Variants in EPHA3 observed in about 807,000 individuals in gnomAD.
The protein encoded by EPHA3 is ephrin type-A receptor 3.
Under a neutral mutation model 107.1 loss-of-function variants are expected in EPHA3, and 42 were observed. The observed-to-expected ratio is 0.39, with a 90% CI of 0.31 to 0.51. The LOEUF (loss-of-function observed/expected upper bound fraction) is 0.51. EPHA3 is among the 20% of genes least tolerant of loss of function. The pLI, the probability that EPHA3 is intolerant of heterozygous loss-of-function variation, is 0.78. For missense variants in EPHA3, 1,183 were observed against 1,211.2 expected, an observed-to-expected ratio of 0.98 and a Z score of 0.35; for synonymous variants, 461 against 424.8, an observed-to-expected ratio of 1.09 and a Z score of -1.05.
chr3:89,247,266 GAATAATTCTAAAAAGCAGAT>G (rs1705055509), intron 3 of EPHA3, among the ~76,000 whole-genome samples: 1 of 152,050 alleles, frequency 6.6e-6, no homozygotes, highest in Non-Finnish European at 1.5e-5. Flanking sequence ...AGGGGATGGG[GAATAATTCTAAAAAGCAGAT>G]AAACTTAAGG....
intron 2 of EPHA3, among the ~76,000 whole-genome samples, chr3:89,207,247 T>C (rs1359253514): frequency 6.6e-6 from 1 of 152,170 alleles, no homozygotes; most frequent in Non-Finnish European, 1.5e-5. Context: ...AAATTAATAT[T>C]TTATTTTATT....
intron 3 of EPHA3, 80 bp from the exon 4 acceptor site, chr3:89,340,836 T>A: frequency 7.5e-7 from 1 of 1,338,208 alleles, no homozygotes; most frequent in African/African-American, 1.5e-5. Context: ...TAAATTCATA[T>A]TCGAACTTAC....
In EPHA3 at chr3:89,422,192, AACACACAC is replaced by A. The variant is rs56370135; in HGVS notation, c.2074+2836_2074+2843del. On this transcript the variant is annotated intron_variant, in intron 11 of 16. Coordinates refer to ENST00000336596, the MANE Select transcript of EPHA3 (RefSeq NM_005233.6). ...ACAATAAAGTTGATATGTTGTATTT[AACACACAC>A]ACACACACACACACACACACACACA... Among the ~76,000 whole-genome samples, 368 of 140,572 alleles carry A rather than the reference AACACACAC, an allele frequency of 2.6e-3. 1 individual carries two copies. The highest frequency in any genetic ancestry group is 7.7e-3 in the African/African-American group (293 of 38,228). The allele number at this position is 140,572 out of a possible 152,430, so 92.2% of individuals were successfully genotyped here. A position where few individuals can be genotyped will look rare whatever the true frequency, so the allele number is the denominator to read the frequency against.
At chr3:89,126,256 G>A (rs1160622606) in intron 1 of EPHA3, among the ~76,000 whole-genome samples, 2 of 151,472 alleles carry the variant, frequency 1.3e-5, no homozygotes, top group South Asian at 2.1e-4. Context: ...GTCAATCATG[G>A]GATTGTTTTC....
intron 3 of EPHA3, among the ~76,000 whole-genome samples, chr3:89,266,100 G>A (rs762014497): frequency 9.2e-5 from 14 of 152,052 alleles, no homozygotes; most frequent in South Asian, 2.1e-4. Flanking sequence ...CCAGAGAGAC[G>A]CAATCCTACC....
At chr3:89,278,442 C>T (rs1426244643) in intron 3 of EPHA3, among the ~76,000 whole-genome samples, 1 of 152,108 alleles carries the variant, frequency 6.6e-6, no homozygotes, top group Non-Finnish European at 1.5e-5. Context: ...GTTTGCAACA[C>T]AGGGCTCCCT....
intron 1 of EPHA3, among the ~76,000 whole-genome samples, chr3:89,120,360 C>G (rs763284765): frequency 6.6e-6 from 1 of 152,096 alleles, no homozygotes; most frequent in Non-Finnish European, 1.5e-5. Context: ...TTCATAATAT[C>G]AGTTAACAAT....
chr3:89,452,935 G>A (rs1403863456), intron 15 of EPHA3, among the ~76,000 whole-genome samples: 2 of 151,764 alleles, frequency 1.3e-5, no homozygotes, highest in Non-Finnish European at 2.9e-5. Context: ...CTTAATATCA[G>A]TATATAAGAA....
intron 3 of EPHA3, among the ~76,000 whole-genome samples, chr3:89,284,854 C>T (rs938612408): frequency 7.2e-5 from 11 of 152,080 alleles, no homozygotes; most frequent in South Asian, 6.2e-4. Context: ...TTAGCCGATG[C>T]GGTGGCTCAC....
chr3:89,193,394 T>G (rs1220064730), intron 2 of EPHA3, among the ~76,000 whole-genome samples: 1 of 152,020 alleles, frequency 6.6e-6, no homozygotes, highest in Non-Finnish European at 1.5e-5. Flanking sequence ...GATAATCCTA[T>G]TTTTCACAAT....
chr3:89,225,466 T>G (rs1704482101), intron 3 of EPHA3, among the ~76,000 whole-genome samples: 1 of 152,234 alleles, frequency 6.6e-6, no homozygotes, highest in Non-Finnish European at 1.5e-5. Context: ...ACATTTCTCT[T>G]AGCTTAATAG....
chr3:89,420,613 G>C (rs571181579), intron 11 of EPHA3, among the ~76,000 whole-genome samples: 1 of 151,360 alleles, frequency 6.6e-6, no homozygotes, highest in East Asian at 1.9e-4. Context: ...AATAAAAATG[G>C]GCATAATTAG....
chr3:89,112,581 T>C (rs989990405), intron 1 of EPHA3, among the ~76,000 whole-genome samples: 4 of 151,878 alleles, frequency 2.6e-5, no homozygotes, highest in Admixed American at 2.0e-4. Flanking sequence ...CTTTTGCAAA[T>C]GATTTTTAAA....
chr3:89,231,589 A>G (rs1704636094), intron 3 of EPHA3, among the ~76,000 whole-genome samples: 1 of 152,138 alleles, frequency 6.6e-6, no homozygotes, highest in Admixed American at 6.5e-5. Context: ...ATGCAGATGG[A>G]TAACCTGGTG....
intron 3 of EPHA3, among the ~76,000 whole-genome samples, chr3:89,239,155 A>G (rs1466396637): frequency 3.3e-5 from 5 of 152,192 alleles, no homozygotes; most frequent in Non-Finnish European, 7.3e-5. Flanking sequence ...CATATGATCT[A>G]TCTCTAACTG....
rs1488450493 is a variant in EPHA3 at position 89,413,179 on chromosome 3, A to G, written c.1801A>G (p.Thr601Ala). Residue 601 changes from threonine to alanine, a missense_variant, in exon 10 of 17, where the codon ACA becomes GCA. Physicochemically the swap from Thr to Ala is moderately conservative, Grantham distance 58. Transcript: ENST00000336596. ...TCTCAGGACTTATGTTGACCCACAT[A>G]CATATGAAGACCCTACCCAAGCTGT... ...PGLRTYVDPH[T>A]YEDPTQAVHE... is the part of the protein sequence containing the mutation. 2 of 1,611,632 alleles carry G rather than the reference A, an allele frequency of 1.2e-6. No homozygotes were observed. Among genetic ancestry groups the G allele is most frequent in the Non-Finnish European group, 1.7e-6 (2 of 1,178,410 alleles).
At chr3:89,350,686 A>T (rs1482149685) in intron 5 of EPHA3, among the ~76,000 whole-genome samples, 1 of 150,732 alleles carries the variant, frequency 6.6e-6, no homozygotes, top group East Asian at 1.9e-4. Flanking sequence ...GGAGGAGGAG[A>T]GGCGCTCTGC....
intron 2 of EPHA3, among the ~76,000 whole-genome samples, chr3:89,170,361 T>C (rs1237933832): frequency 1.3e-5 from 2 of 152,152 alleles, no homozygotes; most frequent in Non-Finnish European, 2.9e-5. Context: ...ATCTGTGAGA[T>C]AGCTTTTATT....
chr3:89,354,888 G>A (rs1393913020), intron 5 of EPHA3, among the ~76,000 whole-genome samples: 1 of 150,986 alleles, frequency 6.6e-6, no homozygotes, highest in East Asian at 1.9e-4. Flanking sequence ...ATCTAAGTAA[G>A]GCTGAAGAAA....
Sources: gnomAD v4.1 joint callset for allele counts (sites outside exome capture counted in the v4.1 genomes callset) on GRCh38, gnomAD v4.1.1 for gene constraint, MANE v1.5 for transcripts, NCBI Gene and HGNC (gene_info 2026-07-23, HGNC 2026-07-21) for gene names.